Variants in SSBP2 observed in about 807,000 individuals in gnomAD.
SSBP2 encodes single stranded DNA binding protein 2, also known as single-stranded DNA-binding protein 2.
Under a neutral mutation model 61.8 loss-of-function variants are expected in SSBP2, and 17 were observed. The observed-to-expected ratio is 0.28, with a 90% CI of 0.19 to 0.41. The LOEUF (loss-of-function observed/expected upper bound fraction) is 0.41. SSBP2 is among the 10% of genes least tolerant of loss of function. The pLI, the probability that SSBP2 is intolerant of heterozygous loss-of-function variation, is 1.00. For synonymous variants in SSBP2, 139 were observed against 141.3 expected (o/e 0.98, Z 0.12); for missense variants, 310 against 458.7 (o/e 0.68, Z 2.96).
intron 2 of SSBP2, among the ~76,000 whole-genome samples, chr5:81,646,866 G>C (rs946693114): frequency 1.3e-5 from 2 of 151,876 alleles, no homozygotes; most frequent in Non-Finnish European, 2.9e-5. Flanking sequence ...CTACTTCTAA[G>C]GTGGAGAGGG....
intron 6 of SSBP2, among the ~76,000 whole-genome samples, chr5:81,488,822 T>C (rs1196193802): frequency 6.6e-6 from 1 of 151,522 alleles, no homozygotes; most frequent in African/African-American, 2.4e-5. Flanking sequence ...TTTGTCTTTA[T>C]TGCCGTTCTT....
intron 4 of SSBP2, among the ~76,000 whole-genome samples, chr5:81,571,543 T>C (rs1773843493): frequency 6.6e-6 from 1 of 152,176 alleles, no homozygotes; most frequent in African/African-American, 2.4e-5. Flanking sequence ...ATATTTTCCC[T>C]AAAGTGCCAC....
At chr5:81,597,972 CGTT>C (rs1033790719) in intron 4 of SSBP2, among the ~76,000 whole-genome samples, 1 of 150,920 alleles carries the variant, frequency 6.6e-6, no homozygotes, top group African/African-American at 2.4e-5. Context: ...CAAACCTGCA[CGTT>C]GTGCACATGT....
chr5:81,532,487 A>C (rs1231932027), intron 4 of SSBP2, among the ~76,000 whole-genome samples: 1 of 152,014 alleles, frequency 6.6e-6, no homozygotes, highest in Non-Finnish European at 1.5e-5. Flanking sequence ...GTAAAAATTA[A>C]TACTAAAAAG....
intron 4 of SSBP2, among the ~76,000 whole-genome samples, chr5:81,539,244 G>C (rs1771056362): frequency 6.6e-6 from 1 of 152,172 alleles, no homozygotes; most frequent in Non-Finnish European, 1.5e-5. Context: ...CAAATGTAGT[G>C]GAAATAGAGG....
intron 5 of SSBP2, among the ~76,000 whole-genome samples, chr5:81,506,793 A>T (rs1235201460): frequency 6.6e-6 from 1 of 152,190 alleles, no homozygotes; most frequent in Non-Finnish European, 1.5e-5. Context: ...AGAAATAAAC[A>T]TCTATCTCCC....
chr5:81,528,765 G>C (rs1289949087), intron 4 of SSBP2, among the ~76,000 whole-genome samples: 5 of 152,032 alleles, frequency 3.3e-5, no homozygotes, highest in Non-Finnish European at 5.9e-5. Flanking sequence ...GGCATTAGTA[G>C]ATACAAAGAC....
At chr5:81,714,827 T>C (rs530485565) in intron 1 of SSBP2, among the ~76,000 whole-genome samples, 2 of 152,286 alleles carry the variant, frequency 1.3e-5, no homozygotes, top group East Asian at 3.9e-4. Flanking sequence ...GCAAAAATTT[T>C]CTCCCATTCT....
chr5:81,420,887 A>T (rs1761564939), intron 16 of SSBP2, among the ~76,000 whole-genome samples: 1 of 152,168 alleles, frequency 6.6e-6, no homozygotes, highest in African/African-American at 2.4e-5. Flanking sequence ...ATCATAACTA[A>T]GTAAGTATGA....
intron 1 of SSBP2, among the ~76,000 whole-genome samples, chr5:81,650,815 T>A (rs181249120): frequency 6.6e-6 from 1 of 152,294 alleles, no homozygotes; most frequent in East Asian, 1.9e-4. Flanking sequence ...TCCATTTTAA[T>A]ATTTGCTCAG....
chr5:81,676,616 G>C (rs184093816), intron 1 of SSBP2, among the ~76,000 whole-genome samples: 1 of 152,170 alleles, frequency 6.6e-6, no homozygotes, highest in East Asian at 1.9e-4. Context: ...CAGGAAAATG[G>C]CTCCTCCTCC....
At chr5:81,605,445 T>C (rs1744783139) in intron 4 of SSBP2, among the ~76,000 whole-genome samples, 1 of 152,134 alleles carries the variant, frequency 6.6e-6, no homozygotes, top group African/African-American at 2.4e-5. Flanking sequence ...TCAACTCTAG[T>C]TCCCTATCCA....
At chr5:81,539,897 C>T (rs748599173) in intron 4 of SSBP2, among the ~76,000 whole-genome samples, 5 of 152,112 alleles carry the variant, frequency 3.3e-5, no homozygotes, top group African/African-American at 1.2e-4. Context: ...CTCCCTTAGC[C>T]CCCCACCCCG....
At chr5:81,552,306 A>C (rs1240122555) in intron 4 of SSBP2, among the ~76,000 whole-genome samples, 1 of 152,200 alleles carries the variant, frequency 6.6e-6, no homozygotes, top group Non-Finnish European at 1.5e-5. Context: ...TTTAATTATC[A>C]TCGGAAACTG....
rs115374866 is a variant in SSBP2 at position 81,634,948 on chromosome 5, C to T, written c.197+1609G>A. ...TCAAATACGTCTCTCTCACTGCTTA[C>T]TTCGTTATTTGTTTTCCCTATAGAC... On this transcript the variant is annotated intron_variant, in intron 3 of 16. Transcript: ENST00000320672. Among the ~76,000 whole-genome samples, 321 of 152,314 alleles carry T rather than the reference C, an allele frequency of 2.1e-3. 3 individuals carry two copies. In the East Asian group the frequency reaches 0.026, roughly 13 times the overall value.
chr5:81,536,250 A>G (rs1770792158), intron 4 of SSBP2, among the ~76,000 whole-genome samples: 1 of 152,196 alleles, frequency 6.6e-6, no homozygotes, highest in Non-Finnish European at 1.5e-5. Flanking sequence ...AAGGATATGG[A>G]GCAACAGGAA....
chr5:81,633,376 A>G (rs1013315420), intron 3 of SSBP2, among the ~76,000 whole-genome samples: 1 of 151,852 alleles, frequency 6.6e-6, no homozygotes, highest in Admixed American at 6.6e-5. Context: ...TCAGCCTCCC[A>G]AAGTGCTGGG....
chr5:81,729,859 G>A (rs1756135893), intron 1 of SSBP2, among the ~76,000 whole-genome samples: 1 of 151,996 alleles, frequency 6.6e-6, no homozygotes, highest in South Asian at 2.1e-4. Flanking sequence ...ACAGAGGGTT[G>A]ACTGAGAAAT....
intron 1 of SSBP2, among the ~76,000 whole-genome samples, chr5:81,677,875 C>T (rs1752102071): frequency 6.6e-6 from 1 of 151,324 alleles, no homozygotes; most frequent in Non-Finnish European, 1.5e-5. Context: ...CCAGGGGCAC[C>T]AGCTCACCAA....
Sources: gnomAD v4.1 joint callset for allele counts (sites outside exome capture counted in the v4.1 genomes callset) on GRCh38, gnomAD v4.1.1 for gene constraint, MANE v1.5 for transcripts, NCBI Gene and HGNC (gene_info 2026-07-23, HGNC 2026-07-21) for gene names.